The following MOSMO variants were observed in gnomAD, a reference collection of about 807,000 sequenced individuals.
The protein encoded by MOSMO is modulator of smoothened protein.
A neutral mutation model predicts 18.4 loss-of-function variants in MOSMO; 5 were observed. That is an observed-to-expected ratio of 0.27 (90% CI 0.14 to 0.57). The LOEUF (loss-of-function observed/expected upper bound fraction) is 0.57. MOSMO is among the 20% of genes least tolerant of loss of function. The probability of loss-of-function intolerance (pLI) is 0.92; values close to 1 mark genes in which losing one functional copy is unlikely to be tolerated. For missense variants in MOSMO, 138 were observed against 211.8 expected (o/e 0.65, Z 2.16); for synonymous variants, 82 against 82.3 (o/e 1.00, Z 0.02).
At chr16:22,075,076 G>T (rs543497285) in intron 1 of MOSMO, among the ~76,000 whole-genome samples, 1 of 152,164 alleles carries the variant, frequency 6.6e-6, no homozygotes, top group Non-Finnish European at 1.5e-5. Context: ...CCAAAATGAA[G>T]TCATATACAA....
chr16:22,016,241 G>A (rs909166929), intron 1 of MOSMO, among the ~76,000 whole-genome samples: 2 of 152,128 alleles, frequency 1.3e-5, no homozygotes, highest in Admixed American at 1.3e-4. Context: ...GCTATAAAAT[G>A]GAGACAATAC....
downstream of MOSMO, among the ~76,000 whole-genome samples, chr16:22,089,748 T>C (rs1274481527): frequency 6.6e-6 from 1 of 152,048 alleles, no homozygotes; most frequent in African/African-American, 2.4e-5. Flanking sequence ...TGACAAACTT[T>C]GGTGAGCTAG....
intron 1 of MOSMO, among the ~76,000 whole-genome samples, chr16:22,015,272 A>T (rs1362211718): frequency 6.6e-6 from 1 of 151,976 alleles, no homozygotes; most frequent in East Asian, 1.9e-4. Context: ...TCTTTAAGAG[A>T]CAGGCTCTTG....
chr16:22,091,011 C>T (rs538514575), downstream of MOSMO, among the ~76,000 whole-genome samples: 6 of 151,918 alleles, frequency 3.9e-5, no homozygotes, highest in South Asian at 2.1e-4. Flanking sequence ...GGGTGGTAGA[C>T]GACCTGCTTG....
chr16:22,065,160 T>C (rs1238440542), intron 1 of MOSMO, among the ~76,000 whole-genome samples: 1 of 152,146 alleles, frequency 6.6e-6, no homozygotes, highest in Non-Finnish European at 1.5e-5. Context: ...GAGGGCAGTG[T>C]TGGGTATGAT....
downstream of MOSMO, among the ~76,000 whole-genome samples, chr16:22,089,002 G>GA (rs748250714): frequency 1.2e-3 from 158 of 135,774 alleles, no homozygotes; most frequent in Middle Eastern, 4.0e-3. Context: ...TTTGTTGAGA[G>GA]AAAAAAAAAA....
intron 1 of MOSMO, among the ~76,000 whole-genome samples, chr16:22,027,526 T>G (rs560547034): frequency 6.6e-6 from 1 of 152,288 alleles, no homozygotes; most frequent in South Asian, 2.1e-4. Context: ...ATAAAGCACT[T>G]AATACTACAC....
downstream of MOSMO, among the ~76,000 whole-genome samples, chr16:22,091,312 G>C (rs1266364929): frequency 1.3e-5 from 2 of 152,170 alleles, no homozygotes; most frequent in African/African-American, 4.8e-5. Context: ...TTTCTGACCT[G>C]GCCTATAGGC....
At chr16:22,036,260 G>A (rs1003827360) in intron 1 of MOSMO, among the ~76,000 whole-genome samples, 1 of 151,924 alleles carries the variant, frequency 6.6e-6, no homozygotes, top group Non-Finnish European at 1.5e-5. Context: ...CGAGTAGCTG[G>A]GAACCATAGG....
chr16:22,017,538 C>T (rs1356164665), intron 1 of MOSMO, among the ~76,000 whole-genome samples: 4 of 152,186 alleles, frequency 2.6e-5, no homozygotes, highest in African/African-American at 7.2e-5. Context: ...CGATTGATAA[C>T]AACAGATTGA....
intron 1 of MOSMO, among the ~76,000 whole-genome samples, chr16:22,022,790 A>G (rs142761350): frequency 6.6e-6 from 1 of 152,314 alleles, no homozygotes; most frequent in African/African-American, 2.4e-5. Context: ...ATGAAGATAC[A>G]GTGAGAATTT....
chr16:22,033,236 G>C (rs1032908310), intron 1 of MOSMO, among the ~76,000 whole-genome samples: 4 of 152,140 alleles, frequency 2.6e-5, no homozygotes, highest in African/African-American at 9.7e-5. Context: ...CAAAAACCCA[G>C]CTGGGCTTTT....
chr16:22,039,986 C>T (rs933624230), intron 1 of MOSMO, among the ~76,000 whole-genome samples: 1 of 152,214 alleles, frequency 6.6e-6, no homozygotes, highest in Non-Finnish European at 1.5e-5. Context: ...TATATCTCAG[C>T]ACCCAGAATG....
chr16:22,039,451 G>GGT (rs1900169685), intron 1 of MOSMO, among the ~76,000 whole-genome samples: 1 of 152,226 alleles, frequency 6.6e-6, no homozygotes, highest in South Asian at 2.1e-4. Flanking sequence ...AGTTGAAGCA[G>GGT]AATCTGTAAG....
intron 1 of MOSMO, among the ~76,000 whole-genome samples, chr16:22,009,927 G>T (rs1190073959): frequency 6.6e-6 from 1 of 151,040 alleles, no homozygotes; most frequent in Non-Finnish European, 1.5e-5. Flanking sequence ...GGAGGCAGAG[G>T]TTGCAGTGAG....
At chr16:22,088,223 G>C (rs1442966844), downstream of MOSMO, among the ~76,000 whole-genome samples, 2 of 152,070 alleles carry the variant, frequency 1.3e-5, no homozygotes, top group Non-Finnish European at 2.9e-5. Flanking sequence ...TAGAGATGGG[G>C]GTCTCAGTAT....
At chr16:22,051,051 G>A (rs911691646) in intron 1 of MOSMO, among the ~76,000 whole-genome samples, 2 of 152,024 alleles carry the variant, frequency 1.3e-5, no homozygotes, top group African/African-American at 4.8e-5. Flanking sequence ...CTTTCCAAAA[G>A]TATGGTACAA....
intron 1 of MOSMO, among the ~76,000 whole-genome samples, chr16:22,060,258 C>G (rs1900615393): frequency 6.6e-6 from 1 of 152,028 alleles, no homozygotes; most frequent in East Asian, 1.9e-4. Context: ...AAAAGCAAGG[C>G]TATGGGGGAA....
chr16:22,031,586 T>G (rs1227754582), intron 1 of MOSMO, among the ~76,000 whole-genome samples: 2 of 152,206 alleles, frequency 1.3e-5, no homozygotes, highest in African/African-American at 2.4e-5. Context: ...GTTTACCTAT[T>G]TGGATATTTC....
Sources: gnomAD v4.1 joint callset for allele counts (sites outside exome capture counted in the v4.1 genomes callset) on GRCh38, gnomAD v4.1.1 for gene constraint, MANE v1.5 for transcripts, NCBI Gene and HGNC (gene_info 2026-07-23, HGNC 2026-07-21) for gene names.